CLVS1: variants seen among roughly 807,000 people sequenced by gnomAD.
CLVS1 encodes the protein clavesin 1.
In CLVS1, 10 loss-of-function variants were observed where a neutral mutation model predicts 33.1. That is an observed-to-expected ratio of 0.30 (90% CI 0.19 to 0.51). The LOEUF (loss-of-function observed/expected upper bound fraction) is 0.51, where lower values mean the gene tolerates loss of function less well. CLVS1 is among the 20% of genes least tolerant of loss of function. The probability of loss-of-function intolerance (pLI) is 0.97; values close to 1 mark genes in which losing one functional copy is unlikely to be tolerated. For missense variants in CLVS1, 343 were observed against 433.4 expected, an observed-to-expected ratio of 0.79 and a Z score of 1.85; for synonymous variants, 163 against 166.1, an observed-to-expected ratio of 0.98 and a Z score of 0.14.
chr8:61,131,902 T>C (rs1806106132), intron 2 of CLVS1: 1 of 152,238 alleles, frequency 6.6e-6, no homozygotes, highest in Non-Finnish European at 1.5e-5. Flanking sequence ...CTGCATAAAC[T>C]TCAGTGCTCG....
At chr8:61,111,793 T>G (rs998797513) in intron 1 of CLVS1, among the ~76,000 whole-genome samples, 1 of 152,142 alleles carries the variant, frequency 6.6e-6, no homozygotes, top group African/African-American at 2.4e-5. Flanking sequence ...TATATAGTCC[T>G]TCTATCAAAA....
intron 1 of CLVS1, among the ~76,000 whole-genome samples, chr8:61,058,063 T>G (rs1804512018): frequency 6.6e-6 from 1 of 152,222 alleles, no homozygotes; most frequent in African/African-American, 2.4e-5. Flanking sequence ...TCAGTCAAAG[T>G]GTACAACCTA....
intron 1 of CLVS1, among the ~76,000 whole-genome samples, chr8:61,095,475 A>G (rs1805336371): frequency 2.6e-5 from 4 of 152,168 alleles, no homozygotes; most frequent in Admixed American, 2.0e-4. Context: ...GGGCGCGCCT[A>G]GGAGGTGCTG....
intron 2 of CLVS1, among the ~76,000 whole-genome samples, chr8:61,253,487 G>A (rs1331556578): frequency 1.3e-5 from 2 of 152,182 alleles, no homozygotes; most frequent in African/African-American, 2.4e-5. Context: ...GATTGGGGAA[G>A]TTCTCCTGGA....
chr8:61,365,680 A>C (rs1563518312), intron 2 of CLVS1, among the ~76,000 whole-genome samples: 1 of 152,148 alleles, frequency 6.6e-6, no homozygotes, highest in Admixed American at 6.5e-5. Context: ...AGTGCTCAAG[A>C]AATCTTCATG....
At chr8:61,440,472 C>T (rs1439157338) in intron 3 of CLVS1, among the ~76,000 whole-genome samples, 1 of 152,212 alleles carries the variant, frequency 6.6e-6, no homozygotes, top group African/African-American at 2.4e-5. Context: ...TTCAAATTTA[C>T]CATTTGCCAA....
the CLVS1 span, among the ~76,000 whole-genome samples, chr8:61,034,747 G>A: frequency 6.6e-6 from 1 of 152,122 alleles, no homozygotes; most frequent in Non-Finnish European, 1.5e-5. Context: ...TTGCAATGGC[G>A]GTGAAAATGG....
intron 2 of CLVS1, among the ~76,000 whole-genome samples, chr8:61,229,920 C>T (rs1279408932): frequency 6.6e-6 from 1 of 152,198 alleles, no homozygotes; most frequent in African/African-American, 2.4e-5. Flanking sequence ...GCCACCGCAC[C>T]CAGCTGAGCC....
intron 5 of CLVS1, among the ~76,000 whole-genome samples, chr8:61,467,725 G>C (rs945525760): frequency 2.0e-4 from 30 of 152,188 alleles, no homozygotes; most frequent in African/African-American, 6.3e-4. Context: ...CTCTCATTGA[G>C]CTTGAATGGG....
At chr8:61,117,624 G>A (rs1445491364) in intron 1 of CLVS1, among the ~76,000 whole-genome samples, 1 of 151,246 alleles carries the variant, frequency 6.6e-6, no homozygotes, top group Non-Finnish European at 1.5e-5. Flanking sequence ...CATCTATTGA[G>A]ATAATCATGT....
chr8:61,364,522 A>T (rs892013185), intron 2 of CLVS1, among the ~76,000 whole-genome samples: 2 of 152,236 alleles, frequency 1.3e-5, no homozygotes, highest in African/African-American at 4.8e-5. Flanking sequence ...CCTACAGCTC[A>T]TTCCTTTTAA....
chr8:61,223,530 T>C (rs576626532), intron 2 of CLVS1, among the ~76,000 whole-genome samples: 43 of 152,302 alleles, frequency 2.8e-4, no homozygotes, highest in African/African-American at 9.6e-4. Context: ...GCTTGTAGGG[T>C]TTCTGTTGAG....
Position 61,197,498 on chromosome 8 carries a change from T to TTTG in CLVS1, c.-152+65656_-152+65658dup, listed in dbSNP as rs556563745. 5.3e-5 allele frequency among the ~76,000 whole-genome samples: 8 copies of TTTG among 151,942 alleles called. No individual in the cohort carries two copies. In the South Asian group the frequency reaches 6.2e-4, roughly 12 times the overall value. ...AAGTCAGGTAATGTGATTCCTCCAG[T>TTTG]TTGTTGTTGTTGTTGTTGTTTGTTT... is the stretch of plus-strand genomic sequence containing the variant. On this transcript the variant is annotated intron_variant, in intron 2 of 2. Coordinates refer to the CLVS1 transcript ENST00000522621.
the CLVS1 span, among the ~76,000 whole-genome samples, chr8:61,024,445 A>G: frequency 3.9e-5 from 6 of 152,212 alleles, no homozygotes; most frequent in Non-Finnish European, 7.3e-5. Flanking sequence ...GTAAAGTTCC[A>G]TGAGTGTGAC....
intron 2 of CLVS1, among the ~76,000 whole-genome samples, chr8:61,146,784 T>C (rs904602534): frequency 8.6e-5 from 13 of 151,942 alleles, no homozygotes; most frequent in East Asian, 5.8e-4. Flanking sequence ...TCACTTAACT[T>C]TATCTGTAGT....
intron 2 of CLVS1, among the ~76,000 whole-genome samples, chr8:61,157,568 T>C (rs962584203): frequency 6.6e-6 from 1 of 151,944 alleles, no homozygotes; most frequent in East Asian, 1.9e-4. Context: ...GCTATCACAA[T>C]TAAAAATCTC....
intron 2 of CLVS1, among the ~76,000 whole-genome samples, chr8:61,135,109 G>A (rs904832669): frequency 3.3e-5 from 5 of 151,742 alleles, no homozygotes; most frequent in Non-Finnish European, 4.4e-5. Flanking sequence ...AACAGTTCAA[G>A]GAAAGTATCT....
At chr8:61,320,230 A>C (rs970316268) in intron 2 of CLVS1, among the ~76,000 whole-genome samples, 1 of 152,042 alleles carries the variant, frequency 6.6e-6, no homozygotes, top group African/African-American at 2.4e-5. Context: ...TTTTATACAC[A>C]TTTTTATAAG....
intron 2 of CLVS1, among the ~76,000 whole-genome samples, chr8:61,252,597 G>A (rs1236427210): frequency 6.6e-6 from 1 of 152,144 alleles, no homozygotes; most frequent in Non-Finnish European, 1.5e-5. Flanking sequence ...GAATCTGGGT[G>A]CTCCTGTATT....
Sources: allele counts gnomAD v4.1 joint callset (sites outside exome capture counted in the v4.1 genomes callset), GRCh38; gene constraint gnomAD v4.1.1; transcripts MANE v1.5; gene names NCBI Gene and HGNC (gene_info 2026-07-23, HGNC 2026-07-21).